Variants in B3GALT1 observed in about 807,000 individuals in gnomAD.
The protein encoded by B3GALT1 is beta-1,3-galactosyltransferase 1.
Under a neutral mutation model 23.2 loss-of-function variants are expected in B3GALT1, and 10 were observed. That is an observed-to-expected ratio of 0.43 (90% CI 0.27 to 0.73). The LOEUF (loss-of-function observed/expected upper bound fraction) is 0.73. B3GALT1 is among the 30% of genes least tolerant of loss of function. The probability of loss-of-function intolerance (pLI) is 0.21; values close to 1 mark genes in which losing one functional copy is unlikely to be tolerated. For missense variants in B3GALT1, 299 were observed against 405.4 expected, an observed-to-expected ratio of 0.74 and a Z score of 2.25; for synonymous variants, 156 against 141.5, an observed-to-expected ratio of 1.10 and a Z score of -0.73.
chr2:167,454,469 G>T (rs1053328885), intron 1 of B3GALT1, among the ~76,000 whole-genome samples: 1 of 152,164 alleles, frequency 6.6e-6, no homozygotes, highest in Admixed American at 6.5e-5. Flanking sequence ...AAAGAAAGAG[G>T]AGTCTAGGGA....
chr2:167,368,610 G>T (rs1343039743), intron 1 of B3GALT1, among the ~76,000 whole-genome samples: 1 of 152,108 alleles, frequency 6.6e-6, no homozygotes, highest in Admixed American at 6.6e-5. Context: ...GTTTTGCGTA[G>T]GTCTGGTACT....
chr2:167,359,825 T>C (rs960571324), intron 1 of B3GALT1, among the ~76,000 whole-genome samples: 1 of 151,686 alleles, frequency 6.6e-6, no homozygotes, highest in African/African-American at 2.4e-5. Context: ...TTTCCAGTGG[T>C]AAAGAAAAAC....
intron 2 of B3GALT1, among the ~76,000 whole-genome samples, chr2:167,634,389 C>CA (rs1410571701): frequency 6.6e-6 from 1 of 151,870 alleles, no homozygotes; most frequent in Non-Finnish European, 1.5e-5. Context: ...AAAAACCCTT[C>CA]AAAAAATCAA....
At chr2:167,366,299 A>G (rs1410777390) in intron 1 of B3GALT1, among the ~76,000 whole-genome samples, 1 of 152,232 alleles carries the variant, frequency 6.6e-6, no homozygotes, top group African/African-American at 2.4e-5. Context: ...TTATATAGGT[A>G]GTAATAGATA....
intron 1 of B3GALT1, among the ~76,000 whole-genome samples, chr2:167,404,818 T>A (rs1014740224): frequency 1.3e-5 from 2 of 152,174 alleles, no homozygotes; most frequent in African/African-American, 4.8e-5. Flanking sequence ...ACTCTGTGCG[T>A]GTATTCCTCA....
chr2:167,317,723 A>G (rs985241101), intron 1 of B3GALT1, among the ~76,000 whole-genome samples: 7 of 152,152 alleles, frequency 4.6e-5, no homozygotes, highest in East Asian at 1.9e-4. Flanking sequence ...TGATTTTTAT[A>G]CAAAAGGTCG....
chr2:167,842,376 A>G (rs1689668288), intron 4 of B3GALT1, among the ~76,000 whole-genome samples: 1 of 152,198 alleles, frequency 6.6e-6, no homozygotes, highest in African/African-American at 2.4e-5. Context: ...TTTCATACTT[A>G]CTTCTATGTC....
intron 2 of B3GALT1, among the ~76,000 whole-genome samples, chr2:167,590,067 C>A (rs531500016): frequency 6.6e-6 from 1 of 152,094 alleles, no homozygotes; most frequent in Non-Finnish European, 1.5e-5. Flanking sequence ...ATTTAGTGGG[C>A]CAGGCGCGGT....
intron 3 of B3GALT1, among the ~76,000 whole-genome samples, chr2:167,810,102 C>T (rs1458531302): frequency 6.6e-6 from 1 of 151,280 alleles, no homozygotes; most frequent in Non-Finnish European, 1.5e-5. Context: ...GATATAATCT[C>T]CTGGTGTGCG....
At chr2:167,567,892 T>C (rs954701857) in intron 2 of B3GALT1, among the ~76,000 whole-genome samples, 2 of 152,242 alleles carry the variant, frequency 1.3e-5, no homozygotes, top group African/African-American at 2.4e-5. Context: ...CACCTATTCA[T>C]CCTCACTCCC....
At chr2:167,381,697 A>T (rs749152375) in intron 1 of B3GALT1, among the ~76,000 whole-genome samples, 55 of 152,352 alleles carry the variant, frequency 3.6e-4, no homozygotes, top group Middle Eastern at 3.4e-3. Context: ...AATCTGATTT[A>T]CCATTGCCAA....
intron 3 of B3GALT1, among the ~76,000 whole-genome samples, chr2:167,651,980 A>G (rs999162353): frequency 3.3e-5 from 5 of 151,670 alleles, no homozygotes; most frequent in Non-Finnish European, 7.4e-5. Flanking sequence ...ACCCCACACC[A>G]TTGATCAAGC....
intron 2 of B3GALT1, among the ~76,000 whole-genome samples, chr2:167,621,915 G>A (rs1334956689): frequency 2.6e-5 from 4 of 152,114 alleles, no homozygotes; most frequent in East Asian, 1.9e-4. Context: ...AGCCTTCCCA[G>A]CCATGCAGAA....
intron 2 of B3GALT1, among the ~76,000 whole-genome samples, chr2:167,532,677 A>C (rs1414129480): frequency 3.3e-5 from 5 of 152,106 alleles, no homozygotes; most frequent in African/African-American, 1.2e-4. Flanking sequence ...ATGCATGTTG[A>C]GTGCTTATTT....
At chr2:167,425,385 T>C (rs1488322179) in intron 1 of B3GALT1, among the ~76,000 whole-genome samples, 2 of 152,184 alleles carry the variant, frequency 1.3e-5, no homozygotes, top group African/African-American at 2.4e-5. Flanking sequence ...AGAGATTCTG[T>C]ACCATGGAGT....
intron 4 of B3GALT1, among the ~76,000 whole-genome samples, chr2:167,821,972 A>G (rs1479303419): frequency 6.6e-6 from 1 of 152,230 alleles, no homozygotes; most frequent in African/African-American, 2.4e-5. Context: ...TATCCTTAAT[A>G]TAGTCTAGGC....
chr2:167,705,097 T>C (rs1433089001), intron 3 of B3GALT1, among the ~76,000 whole-genome samples: 1 of 152,174 alleles, frequency 6.6e-6, no homozygotes, highest in Non-Finnish European at 1.5e-5. Context: ...TGACTCTCTA[T>C]GAGAACATGC....
In B3GALT1 at chr2:167,427,395, T is replaced by C. The variant is rs1397867595; in HGVS notation, c.-510-62782T>C. Among the ~76,000 whole-genome samples, 3 of 152,218 alleles carry C rather than the reference T, an allele frequency of 2.0e-5. No individual in the cohort carries two copies. The East Asian group carries it at 5.8e-4, about 29-fold the overall frequency. ...AAGAAGTATATGACCTTATAAATGT[T>C]AATATTTATAAAAGGTTCATACCAT... is the stretch of plus-strand genomic sequence containing the variant. On this transcript the variant is annotated intron_variant, in intron 1 of 4. Transcript: ENST00000392690.
At chr2:167,355,685 C>G (rs1457399489) in intron 1 of B3GALT1, among the ~76,000 whole-genome samples, 2 of 151,970 alleles carry the variant, frequency 1.3e-5, no homozygotes, top group African/African-American at 2.4e-5. Flanking sequence ...TCCTGAAATT[C>G]AGAATACTTT....
Sources: allele counts gnomAD v4.1 joint callset (sites outside exome capture counted in the v4.1 genomes callset), GRCh38; gene constraint gnomAD v4.1.1; transcripts MANE v1.5; gene names NCBI Gene and HGNC (gene_info 2026-07-23, HGNC 2026-07-21).